The following TANC1 variants were observed in gnomAD, a reference collection of about 807,000 sequenced individuals.
TANC1 encodes protein TANC1.
TANC1 carries 77 observed loss-of-function variants against 149.7 expected under a neutral mutation model. The observed-to-expected ratio is 0.51, with a 90% CI of 0.43 to 0.62. The LOEUF (loss-of-function observed/expected upper bound fraction) is 0.62. TANC1 is among the 20% of genes least tolerant of loss of function. The pLI is 0.00. For synonymous variants in TANC1, 854 were observed against 925.0 expected (o/e 0.92, Z 1.39); for missense variants, 1,985 against 2,321.8 (o/e 0.85, Z 2.98).
chr2:158,978,258 G>A (rs1379191459), intron 1 of TANC1, among the ~76,000 whole-genome samples: 2 of 152,128 alleles, frequency 1.3e-5, no homozygotes, highest in African/African-American at 2.4e-5. Flanking sequence ...GGTGGGTCTC[G>A]CCTCCAGCCT....
At chr2:159,043,506 TTAAAG>T (rs931425097) in intron 2 of TANC1, among the ~76,000 whole-genome samples, 1 of 152,202 alleles carries the variant, frequency 6.6e-6, no homozygotes, top group African/African-American at 2.4e-5. Context: ...TCAAAGAAAC[TTAAAG>T]TAAATCATTA....
At chr2:159,021,143 A>T (rs908187713) in intron 2 of TANC1, among the ~76,000 whole-genome samples, 4 of 152,210 alleles carry the variant, frequency 2.6e-5, no homozygotes, top group African/African-American at 7.2e-5. Context: ...ATTAGAACAG[A>T]ACCCTAAACC....
rs1380261745 is a variant in TANC1 at position 159,136,043 on chromosome 2, TGTGTGTGCGCGC to T, written c.260-149_260-138del. Reference sequence around the variant, plus strand: ...GTGTGTGTGTGTGTGTGTGTGTGTGTGTGTGTGCGCGCGCGCGCGTTTAAGGGAGGGGAAGGC... The same window carrying T: ...GTGTGTGTGTGTGTGTGTGTGTGTGTGCGCGCGTTTAAGGGAGGGGAAGGC... On this transcript the variant is annotated intron_variant, in intron 4 of 26. Transcript: ENST00000263635. 4.3e-4 allele frequency: 92 copies of T among 214,736 alleles called. 13 individuals carry two copies. Among genetic ancestry groups the T allele is most frequent in the East Asian group, 2.9e-3 (25 of 8,586 alleles). 13.3% of individuals were successfully genotyped at this position (214,736 alleles called of 1,614,324 possible). A position where few individuals can be genotyped will look rare whatever the true frequency, so the allele number is the denominator to read the frequency against.
chr2:159,143,297 A>T lies in TANC1; in HGVS notation c.365-5845A>T, dbSNP rs571821231. ...TTGTCAACATTTGCAAAATCTGTAA[A>T]ACCATTATTTTCCAAATGACCCAAT... On this transcript the variant is annotated intron_variant, in intron 5 of 26. Transcript: ENST00000263635. 2.0e-5 allele frequency among the ~76,000 whole-genome samples: 3 copies of T among 152,154 alleles called. No homozygotes were observed. The East Asian group carries it at 5.8e-4, about 29-fold the overall frequency.
chr2:159,229,247 G>A (rs1444749692), intron 26 of TANC1, among the ~76,000 whole-genome samples: 1 of 152,124 alleles, frequency 6.6e-6, no homozygotes, highest in Non-Finnish European at 1.5e-5. Context: ...ATATAAGCCT[G>A]TTGACTGAGA....
At chr2:159,124,131 G>A (rs2049140403) in intron 4 of TANC1, among the ~76,000 whole-genome samples, 1 of 152,132 alleles carries the variant, frequency 6.6e-6, no homozygotes, top group Non-Finnish European at 1.5e-5. Context: ...GCTGAGGCGG[G>A]CGGATCATTT....
intron 3 of TANC1, among the ~76,000 whole-genome samples, chr2:159,078,543 C>G (rs1337806665): frequency 6.6e-6 from 1 of 152,164 alleles, no homozygotes; most frequent in Non-Finnish European, 1.5e-5. Context: ...TGGAGGTCAG[C>G]TCTCTTTATT....
chr2:159,153,456 C>T (rs1223966925), intron 7 of TANC1, among the ~76,000 whole-genome samples: 1 of 152,214 alleles, frequency 6.6e-6, no homozygotes, highest in Non-Finnish European at 1.5e-5. Flanking sequence ...GACCATGCCT[C>T]CCACTGTGTT....
chr2:159,139,468 T>C (rs1348723602), intron 5 of TANC1, among the ~76,000 whole-genome samples: 7 of 152,170 alleles, frequency 4.6e-5, no homozygotes, highest in Admixed American at 4.6e-4. Flanking sequence ...AGGGGAAAGC[T>C]CATTTACCCA....
At chr2:159,075,287 G>T (rs1022724696) in intron 3 of TANC1, among the ~76,000 whole-genome samples, 31 of 152,096 alleles carry the variant, frequency 2.0e-4, no homozygotes, top group African/African-American at 7.5e-4. Flanking sequence ...CGAAAAATAC[G>T]CTGGGCCCAG....
intron 2 of TANC1, among the ~76,000 whole-genome samples, chr2:159,041,878 C>T (rs758400106): frequency 1.2e-4 from 19 of 152,280 alleles, no homozygotes; most frequent in East Asian, 3.9e-4. Context: ...AGTCACGCTG[C>T]GGGCTGAAGA....
intron 19 of TANC1, among the ~76,000 whole-genome samples, chr2:159,207,721 A>C (rs940679101): frequency 6.9e-6 from 1 of 145,350 alleles, no homozygotes; most frequent in Non-Finnish European, 1.5e-5. Context: ...AAAAAAAAAA[A>C]AAAAAACAAC....
chr2:159,182,206 T>TC (rs1193443124), intron 14 of TANC1, among the ~76,000 whole-genome samples: 1 of 7,322 alleles, frequency 1.4e-4, no homozygotes, highest in Non-Finnish European at 5.8e-4. Flanking sequence ...CAAAACTGTC[T>TC]CAAAAAAAAA....
intron 3 of TANC1, among the ~76,000 whole-genome samples, chr2:159,074,391 G>A (rs945822788): frequency 6.6e-6 from 1 of 152,138 alleles, no homozygotes; most frequent in Non-Finnish European, 1.5e-5. Context: ...TGTGAGACAT[G>A]CATGGAGGTG....
chr2:159,099,606 C>T lies in TANC1; in HGVS notation c.259+1772C>T, dbSNP rs184756853. 2.6e-3 allele frequency among the ~76,000 whole-genome samples: 391 copies of T among 152,028 alleles called. 2 individuals are homozygous for T. The highest frequency in any genetic ancestry group is 8.6e-3 in the African/African-American group (358 of 41,458). On this transcript the variant is annotated intron_variant, in intron 4 of 26. Transcript: ENST00000263635. ...GTGTGTGTGTGTGCGCACACATTTT[C>T]TTGTAAAATCCAGGTTTAGCTAAGA... is the stretch of plus-strand genomic sequence containing the variant.
At chr2:159,121,845 A>G (rs924722290) in intron 4 of TANC1, among the ~76,000 whole-genome samples, 1 of 152,232 alleles carries the variant, frequency 6.6e-6, no homozygotes, top group Non-Finnish European at 1.5e-5. Context: ...ATGGAAAGAT[A>G]CTGTCGGAGG....
intron 1 of TANC1, among the ~76,000 whole-genome samples, chr2:158,996,229 A>G (rs1179682713): frequency 6.6e-6 from 1 of 152,074 alleles, no homozygotes; most frequent in African/African-American, 2.4e-5. Flanking sequence ...GTGTGGTGGC[A>G]TGTGCCTGTA....
chr2:159,154,221 G>A (rs999853888), intron 7 of TANC1, among the ~76,000 whole-genome samples: 7 of 152,150 alleles, frequency 4.6e-5, no homozygotes, highest in African/African-American at 1.4e-4. Flanking sequence ...GGTTTATTCA[G>A]AGCAGTTTGG....
At position 159,174,933 on chromosome 2, in the gene TANC1, A is replaced by G. The variant is rs1457808555; in HGVS notation, c.1504-20A>G. ...GTGTGAAGAGGGTGAGGTGATGCTG[A>G]CGGTTCTGCTTCCCCCTAGGTGGTG... On this transcript the variant is annotated intron_variant, in intron 11 of 26. Transcript: ENST00000263635. 1 of 1,598,394 alleles carries G rather than the reference A, an allele frequency of 6.3e-7. No homozygotes were observed. Among genetic ancestry groups the G allele is most frequent in the South Asian group, 1.1e-5 (1 of 90,826 alleles).
Sources: allele counts gnomAD v4.1 joint callset (sites outside exome capture counted in the v4.1 genomes callset), GRCh38; gene constraint gnomAD v4.1.1; transcripts MANE v1.5; gene names NCBI Gene and HGNC (gene_info 2026-07-23, HGNC 2026-07-21).